Variants in ITGAV observed in about 807,000 individuals in gnomAD.
ITGAV encodes integrin subunit alpha V.
In ITGAV, 76 loss-of-function variants were observed where a neutral mutation model predicts 143.8. The ratio of observed to expected loss-of-function variants is 0.53; its 90% CI spans 0.44 to 0.64. The LOEUF is 0.64. Among genes scored for constraint, ITGAV ranks in the 30% least tolerant of loss-of-function variants. The probability of loss-of-function intolerance (pLI) is 0.00; values close to 1 mark genes in which losing one functional copy is unlikely to be tolerated. For missense variants in ITGAV, 1,193 were observed against 1,274.7 expected, an observed-to-expected ratio of 0.94 and a Z score of 0.98; for synonymous variants, 453 against 446.7, an observed-to-expected ratio of 1.01 and a Z score of -0.18.
rs200058229 is a variant in ITGAV, at chr2:186,665,129, T to G, written c.2077T>G (p.Leu693Val). The G allele has an allele frequency of 6.3e-6, 10 of 1,594,540 alleles. No individual in the cohort carries two copies. The highest frequency in any genetic ancestry group is 8.6e-6 in the Non-Finnish European group (10 of 1,167,462). Residue 693 changes from leucine (L) to valine (V), a missense_variant, in exon 21 of 30, where the codon TTA (leucine) becomes GTA (valine). Physicochemically the swap from Leu to Val is conservative, Grantham distance 32. Transcript: ENST00000261023. ...TTTTTTTTTTGGTCTATCAAAGGCC[T>G]TAGCAAGACTTTCCTGTGCATTTAA... The part of the protein sequence containing the change: ...FIGVVRNNEA[L>V]ARLSCAFKTE...
intron 1 of ITGAV, among the ~76,000 whole-genome samples, chr2:186,596,733 G>C (rs1042496784): frequency 6.6e-6 from 1 of 151,830 alleles, no homozygotes; most frequent in Non-Finnish European, 1.5e-5. Flanking sequence ...TTTTTATATA[G>C]CATCTTTTAT....
intron 3 of ITGAV, among the ~76,000 whole-genome samples, chr2:186,622,772 T>C (rs971184142): frequency 1.3e-5 from 2 of 152,146 alleles, no homozygotes; most frequent in Non-Finnish European, 2.9e-5. Flanking sequence ...TCTTTTTTTT[T>C]CTTTCCCTGA....
chr2:186,616,140 T>C (rs1019149473), intron 2 of ITGAV, among the ~76,000 whole-genome samples: 21 of 152,174 alleles, frequency 1.4e-4, no homozygotes, highest in African/African-American at 4.6e-4. Context: ...TGTTAAAATG[T>C]ACTGTTTATG....
At chr2:186,592,405 C>A (rs1287106467) in intron 1 of ITGAV, among the ~76,000 whole-genome samples, 2 of 152,124 alleles carry the variant, frequency 1.3e-5, no homozygotes, top group African/African-American at 2.4e-5. Context: ...CACACTGTGG[C>A]CTGGGCGATA....
chr2:186,676,271 G>A (rs61764172), intron 28 of ITGAV: 3,052 of 202,774 alleles, frequency 0.015, 106 homozygotes, highest in African/African-American at 0.068. Flanking sequence ...GAGTAAAAAT[G>A]GGATCAGCAC....
chr2:186,675,793 A>G, intron 27 of ITGAV, 27 bp from the exon 28 acceptor site: 1 of 1,556,836 alleles, frequency 6.4e-7, no homozygotes, highest in Non-Finnish European at 8.8e-7. Context: ...ATATCTGGGA[A>G]ATCATCTAAT....
At chr2:186,665,351 A>G in intron 21 of ITGAV, 133 bp downstream of exon 21, 3 of 625,952 alleles carry the variant, frequency 4.8e-6, no homozygotes, top group Non-Finnish European at 8.4e-6. Context: ...ATAATAGTTA[A>G]ATGATTAGCA....
At chr2:186,617,983 A>G (rs563737037) in intron 2 of ITGAV, among the ~76,000 whole-genome samples, 1 of 152,266 alleles carries the variant, frequency 6.6e-6, no homozygotes, top group South Asian at 2.1e-4. Context: ...CTAAATGCTG[A>G]CTTCAGGGCT....
chr2:186,646,536 A>G (rs1688262936), intron 12 of ITGAV, 150 bp from the exon 13 acceptor site: 1 of 542,970 alleles, frequency 1.8e-6, no homozygotes, highest in African/African-American at 1.9e-5. Context: ...AAATATTAAG[A>G]TCTGTACAAA....
intron 26 of ITGAV, chr2:186,670,028 G>A (rs1298546178): frequency 2.0e-6 from 1 of 490,736 alleles, no homozygotes; most frequent in Non-Finnish European, 3.6e-6. Flanking sequence ...AATAAAACTA[G>A]TTTATGTCCC....
intron 1 of ITGAV, among the ~76,000 whole-genome samples, chr2:186,595,215 A>G (rs1197012246): frequency 6.6e-6 from 1 of 152,246 alleles, no homozygotes; most frequent in Non-Finnish European, 1.5e-5. Context: ...TGGTCAACTC[A>G]GAGTCAGCTA....
intron 2 of ITGAV, among the ~76,000 whole-genome samples, chr2:186,615,175 C>T (rs536936134): frequency 8.0e-4 from 122 of 152,030 alleles, no homozygotes; most frequent in Non-Finnish European, 1.3e-3. Context: ...CAGTATTCAA[C>T]GGAATGAATA....
At chr2:186,670,448 T>C (rs968874541) in intron 26 of ITGAV, among the ~76,000 whole-genome samples, 3 of 151,988 alleles carry the variant, frequency 2.0e-5, no homozygotes, top group Non-Finnish European at 2.9e-5. Flanking sequence ...CTATAGGCGC[T>C]CTCCCCCATG....
At chr2:186,607,477 A>G (rs1687100072) in intron 2 of ITGAV, among the ~76,000 whole-genome samples, 1 of 152,054 alleles carries the variant, frequency 6.6e-6, no homozygotes, top group Non-Finnish European at 1.5e-5. Context: ...GCCCCTTCCC[A>G]GATGTCACAG....
At chr2:186,593,210 A>G (rs1382572512) in intron 1 of ITGAV, among the ~76,000 whole-genome samples, 1 of 152,152 alleles carries the variant, frequency 6.6e-6, no homozygotes, top group African/African-American at 2.4e-5. Flanking sequence ...GTGTCCACAT[A>G]CCTTGGGGAA....
At chr2:186,609,073 A>T (rs894586910) in intron 2 of ITGAV, among the ~76,000 whole-genome samples, 3 of 152,192 alleles carry the variant, frequency 2.0e-5, no homozygotes. Context: ...AGACCTGGAA[A>T]GCCTGTCTTA....
chr2:186,660,406 C>CCATCAGTGATT (rs1214703082), intron 18 of ITGAV: 2 of 152,230 alleles, frequency 1.3e-5, no homozygotes, highest in Non-Finnish European at 2.9e-5. Flanking sequence ...TACATTTGTT[C>CCATCAGTGATT]CATCAGTGAC....
At position 186,678,336 on chromosome 2, in the gene ITGAV, T is replaced by A. The variant is rs1334979537; in HGVS notation, c.*1044T>A. 1 of 157,100 alleles carries A rather than the reference T, an allele frequency of 6.4e-6. No homozygotes were observed. Among genetic ancestry groups the A allele is most frequent in the Non-Finnish European group, 1.4e-5 (1 of 71,342 alleles). 9.7% of individuals were successfully genotyped at this position (157,100 alleles called of 1,614,324 possible). A position where few individuals can be genotyped will look rare whatever the true frequency, so the allele number is the denominator to read the frequency against. On this transcript the variant is annotated 3_prime_UTR_variant, in exon 30 of 30. Transcript: ENST00000261023. ...AGAATGGGTCAAGATCAGTGAGAAA[T>A]CTTTACAGTTGACAGGAACCTGGAC... is the stretch of plus-strand genomic sequence containing the variant.
intron 12 of ITGAV, among the ~76,000 whole-genome samples, chr2:186,642,685 C>A (rs938543722): frequency 1.4e-5 from 2 of 146,628 alleles, no homozygotes; most frequent in South Asian, 4.5e-4. Context: ...CAGGCTCCCA[C>A]CACCTAGCCC....
Sources: gnomAD v4.1 joint callset for allele counts (sites outside exome capture counted in the v4.1 genomes callset) on GRCh38, gnomAD v4.1.1 for gene constraint, MANE v1.5 for transcripts, NCBI Gene and HGNC (gene_info 2026-07-23, HGNC 2026-07-21) for gene names.